Variants in ESR1 observed in about 807,000 individuals in gnomAD.
The protein encoded by ESR1 is estrogen receptor 1.
A neutral mutation model predicts 52.7 loss-of-function variants in ESR1; 12 were observed. The observed-to-expected ratio is 0.23, with a 90% CI of 0.15 to 0.37. The LOEUF is 0.37. ESR1 is among the 10% of genes least tolerant of loss of function. The pLI is 1.00. For missense variants in ESR1, 584 were observed against 779.7 expected, an observed-to-expected ratio of 0.75 and a Z score of 2.99; for synonymous variants, 305 against 316.8, an observed-to-expected ratio of 0.96 and a Z score of 0.39.
chr6:152,011,616 T>C (rs1293407128), intron 4 of ESR1, 40 bp from the exon 5 acceptor site: 2 of 1,612,616 alleles, frequency 1.2e-6, no homozygotes, highest in South Asian at 1.1e-5. Flanking sequence ...AATGAGTCTT[T>C]TTCATTTGAG....
intron 1 of ESR1, among the ~76,000 whole-genome samples, chr6:151,699,492 CA>C (rs567220458): frequency 1.2e-3 from 182 of 152,232 alleles, no homozygotes; most frequent in African/African-American, 4.3e-3. Context: ...CACAAGGAAA[CA>C]TCTGTGAGCT....
Position 151,935,316 on chromosome 6 carries a change from G to A in ESR1, c.761-8857G>A, listed in dbSNP as rs531060831. ...ATTTTGGTTAGATCACAGATTTAAC[G>A]TGAAGGATGAATAACCAGACTTGGA... On this transcript the variant is annotated intron_variant, in intron 3 of 7. Coordinates refer to ENST00000206249, the MANE Select transcript of ESR1 (RefSeq NM_000125.4). 3.9e-5 allele frequency among the ~76,000 whole-genome samples: 6 copies of A among 152,338 alleles called. No homozygotes were observed. In the South Asian group the frequency reaches 6.2e-4, roughly 16 times the overall value.
chr6:151,804,267 G>A (rs149245696), upstream of ESR1, among the ~76,000 whole-genome samples: 576 of 152,328 alleles, frequency 3.8e-3, 1 homozygote, highest in Admixed American at 7.0e-3. Context: ...GGCTAACTTT[G>A]ATTGTAAGTC....
At chr6:151,967,791 C>T (rs980316515) in intron 4 of ESR1, among the ~76,000 whole-genome samples, 3 of 152,198 alleles carry the variant, frequency 2.0e-5, no homozygotes, top group East Asian at 3.9e-4. Flanking sequence ...CTAATTTACA[C>T]TCCCACCAAC....
At position 151,763,225 on chromosome 6, in the gene ESR1, A is replaced by ATT. The variant is rs67778362; in HGVS notation, c.-70-44608_-70-44607dup. ...TCCTGGACAAGTAGGACTGTGTCTGATTTTTTTTTTTGCATCCTTGTCACT... is the reference window on the plus strand; with the variant it reads ...TCCTGGACAAGTAGGACTGTGTCTGATTTTTTTTTTTTTGCATCCTTGTCACT... On this transcript the variant is annotated intron_variant, in intron 2 of 2. Coordinates refer to the ESR1 transcript ENST00000404742. 3.9e-3 allele frequency among the ~76,000 whole-genome samples: 574 copies of ATT among 146,732 alleles called. 3 individuals are homozygous for ATT. Among genetic ancestry groups the ATT allele is most frequent in the African/African-American group, 0.013 (530 of 40,242 alleles).
chr6:152,001,786 C>T (rs1353866287), intron 4 of ESR1, among the ~76,000 whole-genome samples: 8 of 151,860 alleles, frequency 5.3e-5, no homozygotes, highest in African/African-American at 1.7e-4. Flanking sequence ...TGGTTGGTTG[C>T]TCTCTCTCTT....
intron 2 of ESR1, among the ~76,000 whole-genome samples, chr6:151,875,780 C>T (rs1791701489): frequency 6.6e-6 from 1 of 152,098 alleles, no homozygotes; most frequent in Non-Finnish European, 1.5e-5. Flanking sequence ...CATGTGTCAA[C>T]AGAAAGACAT....
intron 2 of ESR1, among the ~76,000 whole-genome samples, chr6:151,746,048 T>C (rs1783453754): frequency 6.6e-6 from 1 of 152,230 alleles, no homozygotes; most frequent in Non-Finnish European, 1.5e-5. Context: ...GTTTTCTTCC[T>C]TTTCAGGGCT....
At chr6:151,900,062 G>A (rs1183199966) in intron 3 of ESR1, among the ~76,000 whole-genome samples, 2 of 152,252 alleles carry the variant, frequency 1.3e-5, no homozygotes, top group Non-Finnish European at 2.9e-5. Flanking sequence ...GGTGGAGGTT[G>A]TAGCGAGCTG....
intron 5 of ESR1, among the ~76,000 whole-genome samples, chr6:152,039,395 C>A (rs1385982250): frequency 1.3e-5 from 2 of 151,956 alleles, no homozygotes; most frequent in Non-Finnish European, 1.5e-5. Context: ...TCTTGATAGG[C>A]TAAGTCAGTC....
intron 4 of ESR1, among the ~76,000 whole-genome samples, chr6:151,998,006 A>AC (rs1229179923): frequency 1.3e-5 from 2 of 152,112 alleles, no homozygotes; most frequent in Non-Finnish European, 1.5e-5. Flanking sequence ...TCTATACGTT[A>AC]GCTTTTGGTT....
intron 2 of ESR1, among the ~76,000 whole-genome samples, chr6:151,873,938 A>T (rs1791397393): frequency 6.6e-6 from 1 of 152,246 alleles, no homozygotes; most frequent in African/African-American, 2.4e-5. Context: ...CAAGCTTTAT[A>T]TATGTTAGCT....
chr6:152,111,302 AAGTGGGTGGGCTGACCTC>A (rs1392066516), intron 6 of ESR1, among the ~76,000 whole-genome samples: 1 of 152,158 alleles, frequency 6.6e-6, no homozygotes, highest in Non-Finnish European at 1.5e-5. Flanking sequence ...GTGATTTCGA[AAGTGGGTGGGCTGACCTC>A]AGTGGCCAGG....
intron 1 of ESR1, among the ~76,000 whole-genome samples, chr6:151,831,564 C>T (rs546674211): frequency 3.9e-5 from 6 of 152,232 alleles, no homozygotes; most frequent in African/African-American, 1.4e-4. Context: ...GGTGGGCTCC[C>T]AAGGATCCTG....
exon 1 of ESR1, chr6:151,690,637 A>T (rs1404530573): frequency 1.3e-5 from 2 of 152,204 alleles, no homozygotes; most frequent in Non-Finnish European, 2.9e-5. Flanking sequence ...ATAAGAAGAC[A>T]GTCTCTGAGT....
At chr6:151,836,276 A>G (rs1783312304) in intron 1 of ESR1, among the ~76,000 whole-genome samples, 1 of 152,254 alleles carries the variant, frequency 6.6e-6, no homozygotes, top group Non-Finnish European at 1.5e-5. Context: ...TGGGTAAATT[A>G]TAAAGAAAAA....
intron 6 of ESR1, chr6:152,122,449 G>C (rs766438191): frequency 2.5e-6 from 4 of 1,614,042 alleles, no homozygotes. Context: ...GAGTGGAGGA[G>C]GGCCATTCGT....
At chr6:151,905,932 C>G (rs1797373462) in intron 3 of ESR1, among the ~76,000 whole-genome samples, 1 of 152,082 alleles carries the variant, frequency 6.6e-6, no homozygotes. Context: ...TACATGAAAC[C>G]CACTTATGCC....
At position 151,870,404 on chromosome 6, in the gene ESR1, T is replaced by C. The variant is rs533064094; in HGVS notation, c.644-10251T>C. On this transcript the variant is annotated intron_variant, in intron 2 of 7. Coordinates refer to ENST00000206249, the MANE Select transcript of ESR1 (RefSeq NM_000125.4). Reference sequence around the variant, plus strand: ...CCAATGATACCATATAGTAATTCCATCAGGGAATAATATTTTTATTATAGT... The same window carrying C: ...CCAATGATACCATATAGTAATTCCACCAGGGAATAATATTTTTATTATAGT... 1.8e-4 allele frequency among the ~76,000 whole-genome samples: 27 copies of C among 152,284 alleles called. 1 individual carries two copies. Among genetic ancestry groups the C allele is most frequent in the African/African-American group, 5.5e-4 (23 of 41,570 alleles).
Sources: allele counts gnomAD v4.1 joint callset (sites outside exome capture counted in the v4.1 genomes callset), GRCh38; gene constraint gnomAD v4.1.1; transcripts MANE v1.5; gene names NCBI Gene and HGNC (gene_info 2026-07-23, HGNC 2026-07-21).